The following CLCN3 variants were observed in gnomAD, a reference collection of about 807,000 sequenced individuals.
CLCN3 encodes Cl-/H+ antiporter 3.
In CLCN3, 16 loss-of-function variants were observed where a neutral mutation model predicts 83.4. The ratio of observed to expected loss-of-function variants is 0.19; its 90% CI spans 0.13 to 0.29. The LOEUF (loss-of-function observed/expected upper bound fraction) is 0.29. CLCN3 is among the 10% of genes least tolerant of loss of function. The pLI is 1.00. For synonymous variants in CLCN3, 322 were observed against 346.2 expected, an observed-to-expected ratio of 0.93 and a Z score of 0.78; for missense variants, 544 against 1,006.0, an observed-to-expected ratio of 0.54 and a Z score of 6.21.
Position 169,713,229 on chromosome 4 carries a change from C to A in CLCN3, c.2300C>A (p.Pro767Gln), listed in dbSNP as rs1733292214. 1 of 1,613,968 alleles carries A rather than the reference C, an allele frequency of 6.2e-7. No individual in the cohort carries two copies. Among genetic ancestry groups the A allele is most frequent in the Non-Finnish European group, 8.5e-7 (1 of 1,179,988 alleles). The stretch of plus-strand genomic sequence containing the variant: ...CCTTTTACAGTGACAGACCACACCC[C>A]AATGGAGATCGTGGTGGATATTTTC... ...MSPFTVTDHT[P>Q]MEIVVDIFRK... Residue 767 changes from proline to glutamine, a missense_variant, in exon 12 of 13, where the codon CCA (proline) becomes CAA (glutamine). By Grantham distance (76) the Pro-to-Gln change is moderately conservative (BLOSUM62 -1). Transcript: ENST00000513761.
intron 2 of CLCN3, among the ~76,000 whole-genome samples, chr4:169,649,920 C>T (rs1316990885): frequency 2.0e-5 from 3 of 151,948 alleles, no homozygotes; most frequent in Non-Finnish European, 4.4e-5. Context: ...CTTGTCTCTA[C>T]AAAAAATATA....
intron 3 of CLCN3, chr4:169,680,507 A>G (rs115182131): frequency 0.011 from 2,507 of 234,978 alleles, 25 homozygotes; most frequent in South Asian, 0.036. Flanking sequence ...GAACAAGCCA[A>G]GTTCCAGATA....
At chr4:169,629,743 G>A (rs1434578933) in intron 1 of CLCN3, among the ~76,000 whole-genome samples, 3 of 152,106 alleles carry the variant, frequency 2.0e-5, no homozygotes, top group Non-Finnish European at 2.9e-5. Context: ...CTCATGACAC[G>A]TTCTACAATG....
At chr4:169,656,456 A>G (rs1214303353) in intron 2 of CLCN3, among the ~76,000 whole-genome samples, 1 of 152,152 alleles carries the variant, frequency 6.6e-6, no homozygotes, top group Admixed American at 6.5e-5. Context: ...GGATGGTGCT[A>G]AACCTTTCAT....
chr4:169,707,376 ATTTT>A, intron 11 of CLCN3, 110 bp downstream of exon 11: 5 of 699,932 alleles, frequency 7.1e-6, no homozygotes, highest in Non-Finnish European at 1.1e-5. Context: ...AAGGGACATT[ATTTT>A]ATGTCCCTTA....
At chr4:169,621,658 G>T (rs965645221) in intron 1 of CLCN3, among the ~76,000 whole-genome samples, 17 of 152,210 alleles carry the variant, frequency 1.1e-4, no homozygotes, top group African/African-American at 3.6e-4. Flanking sequence ...CTTTTACACA[G>T]ATATATAATT....
intron 2 of CLCN3, among the ~76,000 whole-genome samples, chr4:169,654,834 G>T (rs1730835301): frequency 6.6e-6 from 1 of 152,132 alleles, no homozygotes. Flanking sequence ...GAAGTTTTCA[G>T]TTATGGTGTT....
Position 169,716,882 on chromosome 4 carries a change from A to G in CLCN3, c.2367-3025A>G, listed in dbSNP as rs183682588. Among the ~76,000 whole-genome samples the G allele has an allele frequency of 2.3e-4, 35 of 152,314 alleles. No homozygotes were observed. The East Asian group carries it at 6.4e-3, about 28-fold the overall frequency. On this transcript the variant is annotated intron_variant, in intron 12 of 12. Transcript: ENST00000513761. ...ACAGGGAGGTTGACTTAATGAGATC[A>G]TCAAGGAAATGTCCAGTCATCCTGA...
chr4:169,679,541 G>A (rs1282987146), intron 2 of CLCN3, among the ~76,000 whole-genome samples: 1 of 152,196 alleles, frequency 6.6e-6, no homozygotes, highest in Non-Finnish European at 1.5e-5. Flanking sequence ...AAGGCAGGCG[G>A]CTGGCAGGTG....
At position 169,722,583 on chromosome 4, in the gene CLCN3, C is replaced by T. The variant is rs1052335732; in HGVS notation, c.*2586C>T. The T allele has an allele frequency of 2.0e-5, 3 of 152,198 alleles. No individual in the cohort carries two copies. Among genetic ancestry groups the T allele is most frequent in the African/African-American group, 4.8e-5 (2 of 41,454 alleles). 9.4% of individuals were successfully genotyped at this position (152,198 alleles called of 1,614,324 possible). Reference sequence around the variant, plus strand: ...AAATCGGTTTCTTTGCAGATAGCTTCGTAAAACTTCACATGGAGTTTATTT... The same window carrying T: ...AAATCGGTTTCTTTGCAGATAGCTTTGTAAAACTTCACATGGAGTTTATTT... On this transcript the variant is annotated 3_prime_UTR_variant, in exon 13 of 13. Coordinates refer to ENST00000513761, the MANE Select transcript of CLCN3 (RefSeq NM_001829.4).
intron 2 of CLCN3, among the ~76,000 whole-genome samples, chr4:169,650,424 A>G (rs1367141624): frequency 3.9e-5 from 6 of 151,984 alleles, no homozygotes; most frequent in Non-Finnish European, 8.8e-5. Flanking sequence ...AGTTGATTTT[A>G]GTTTTATTGT....
chr4:169,704,909 G>A (rs1405011955), intron 10 of CLCN3, among the ~76,000 whole-genome samples: 3 of 152,144 alleles, frequency 2.0e-5, no homozygotes, highest in African/African-American at 7.2e-5. Context: ...AAAAGGAAAG[G>A]ACAGACTCAT....
chr4:169,660,167 C>A, intron 2 of CLCN3: 1 of 1,140,814 alleles, frequency 8.8e-7, no homozygotes, highest in Non-Finnish European at 1.1e-6. Context: ...CCACTAGCAA[C>A]CAGGCTGCAA....
chr4:169,659,038 A>G (rs1242489175), intron 2 of CLCN3, among the ~76,000 whole-genome samples: 2 of 152,116 alleles, frequency 1.3e-5, no homozygotes, highest in Admixed American at 6.6e-5. Context: ...ATTTTCATGT[A>G]AACACTTTCA....
intron 2 of CLCN3, among the ~76,000 whole-genome samples, chr4:169,666,810 C>T (rs1731260479): frequency 6.6e-6 from 1 of 152,130 alleles, no homozygotes; most frequent in Admixed American, 6.5e-5. Flanking sequence ...ACTCTTGACA[C>T]CTTGTTTTCC....
intron 9 of CLCN3, among the ~76,000 whole-genome samples, 185 bp from the exon 10 acceptor site, chr4:169,703,813 T>C (rs1732887909): frequency 6.6e-6 from 1 of 152,184 alleles, no homozygotes; most frequent in African/African-American, 2.4e-5. Context: ...TGGTTTGTTT[T>C]GTAACTGAAT....
chr4:169,664,002 T>G (rs1201355609), intron 2 of CLCN3, among the ~76,000 whole-genome samples: 3 of 152,214 alleles, frequency 2.0e-5, no homozygotes, highest in Non-Finnish European at 4.4e-5. Context: ...GTTATCAAAG[T>G]AGACTGTTCT....
chr4:169,672,244 A>AGATAGATAGATAGATG (rs1553968512), intron 2 of CLCN3, among the ~76,000 whole-genome samples: 63 of 151,956 alleles, frequency 4.1e-4, no homozygotes, highest in African/African-American at 1.4e-3. Context: ...ATAGATAGAT[A>AGATAGATAGATAGATG]GATAGATAGA....
intron 2 of CLCN3, among the ~76,000 whole-genome samples, chr4:169,679,676 G>A (rs1731851690): frequency 6.6e-6 from 1 of 152,204 alleles, no homozygotes; most frequent in Admixed American, 6.5e-5. Context: ...ATCACTCGAG[G>A]TCAGGAGCTG....
Sources: allele counts gnomAD v4.1 joint callset (sites outside exome capture counted in the v4.1 genomes callset), GRCh38; gene constraint gnomAD v4.1.1; transcripts MANE v1.5; gene names NCBI Gene and HGNC (gene_info 2026-07-23, HGNC 2026-07-21).